The following EPHA6 variants were observed in gnomAD, a reference collection of about 807,000 sequenced individuals.
The protein encoded by EPHA6 is ephrin type-A receptor 6.
In EPHA6, 50 loss-of-function variants were observed where a neutral mutation model predicts 112.0. The observed-to-expected ratio is 0.45, with a 90% CI of 0.36 to 0.56. The LOEUF (loss-of-function observed/expected upper bound fraction) is 0.56, where lower values mean the gene tolerates loss of function less well. Ranked by LOEUF, EPHA6 falls within the 20% of genes least tolerant of loss-of-function variation. The pLI is 0.00. For synonymous variants in EPHA6, 529 were observed against 490.7 expected (o/e 1.08, Z -1.03); for missense variants, 1,280 against 1,417.4 (o/e 0.90, Z 1.56).
chr3:97,295,121 T>C (rs1241908487), intron 5 of EPHA6, among the ~76,000 whole-genome samples: 1 of 152,198 alleles, frequency 6.6e-6, no homozygotes, highest in African/African-American at 2.4e-5. Context: ...TTAAATATTT[T>C]GCTAGACCTC....
At chr3:96,965,634 G>T (rs1186506544) in intron 2 of EPHA6, among the ~76,000 whole-genome samples, 2 of 152,024 alleles carry the variant, frequency 1.3e-5, no homozygotes, top group African/African-American at 4.8e-5. Context: ...TATGTATGAT[G>T]TTGAGTAGAA....
intron 13 of EPHA6, among the ~76,000 whole-genome samples, chr3:97,617,594 C>A (rs1220137311): frequency 6.6e-6 from 1 of 152,036 alleles, no homozygotes; most frequent in African/African-American, 2.4e-5. Flanking sequence ...GAAAATTTAC[C>A]AAGCAAATGG....
intron 3 of EPHA6, among the ~76,000 whole-genome samples, chr3:97,066,659 G>A (rs1278023185): frequency 2.6e-5 from 4 of 152,146 alleles, no homozygotes; most frequent in African/African-American, 9.7e-5. Flanking sequence ...TTTGCAACAA[G>A]CAGCCTCACT....
chr3:96,888,252 G>A (rs1329690665), intron 2 of EPHA6, among the ~76,000 whole-genome samples: 4 of 152,116 alleles, frequency 2.6e-5, no homozygotes, highest in African/African-American at 9.7e-5. Flanking sequence ...GAGCTCACAG[G>A]GCCTTTCTAC....
At chr3:96,905,450 C>T (rs1238699627) in intron 2 of EPHA6, among the ~76,000 whole-genome samples, 2 of 151,652 alleles carry the variant, frequency 1.3e-5, no homozygotes, top group African/African-American at 4.8e-5. Context: ...CTGAATTCCT[C>T]TGATTATGAA....
intron 2 of EPHA6, among the ~76,000 whole-genome samples, chr3:96,950,590 A>G (rs1269132057): frequency 6.6e-6 from 1 of 152,174 alleles, no homozygotes; most frequent in African/African-American, 2.4e-5. Flanking sequence ...TTGAAGAGAA[A>G]TAAATCATCA....
At chr3:97,043,864 C>A (rs2045408296) in intron 3 of EPHA6, among the ~76,000 whole-genome samples, 1 of 152,118 alleles carries the variant, frequency 6.6e-6, no homozygotes, top group South Asian at 2.1e-4. Flanking sequence ...AGTGATTGAC[C>A]CCCAGGGCTG....
rs189446108 is a variant in EPHA6, at chr3:97,641,500, G to A, written c.2784+3418G>A. ...TCCCAGCGTGAGCGACGCAGAAGACGGGTGATTTCTGCATTTCCATCTGAG... is the reference window on the plus strand; with the variant it reads ...TCCCAGCGTGAGCGACGCAGAAGACAGGTGATTTCTGCATTTCCATCTGAG... On this transcript the variant is annotated intron_variant, in intron 14 of 17. Coordinates refer to ENST00000389672, the MANE Select transcript of EPHA6 (RefSeq NM_001080448.3). Among the ~76,000 whole-genome samples, 1,105 of 152,254 alleles carry A rather than the reference G, an allele frequency of 7.3e-3. 16 individuals carry two copies. Among genetic ancestry groups the A allele is most frequent in the African/African-American group, 0.024 (1,014 of 41,562 alleles).
At chr3:97,367,225 T>C (rs532536136) in intron 5 of EPHA6, among the ~76,000 whole-genome samples, 27 of 152,320 alleles carry the variant, frequency 1.8e-4, no homozygotes, top group South Asian at 1.7e-3. Flanking sequence ...ATTATATTAA[T>C]GTGTTAACGA....
At chr3:96,867,007 TC>T in intron 2 of EPHA6, 118 bp downstream of exon 2, 1 of 498,486 alleles carries the variant, frequency 2.0e-6, no homozygotes, top group South Asian at 4.4e-5. Flanking sequence ...ATAACTTACA[TC>T]CCATAGAAAA....
At chr3:97,652,665 G>C (rs2094115179) in intron 14 of EPHA6, among the ~76,000 whole-genome samples, 2 of 151,958 alleles carry the variant, frequency 1.3e-5, no homozygotes, top group South Asian at 4.1e-4. Context: ...AATGCTTGGA[G>C]CTGTGACAGC....
chr3:96,820,604 A>C (rs1231979574), intron 1 of EPHA6, among the ~76,000 whole-genome samples: 3 of 152,142 alleles, frequency 2.0e-5, no homozygotes, highest in Non-Finnish European at 4.4e-5. Context: ...GCAAGGGATA[A>C]GGAAGATGGA....
chr3:96,832,302 T>C (rs1341561887), intron 1 of EPHA6, among the ~76,000 whole-genome samples: 1 of 152,078 alleles, frequency 6.6e-6, no homozygotes, highest in Non-Finnish European at 1.5e-5. Flanking sequence ...TTAGGTGTAA[T>C]TTTACTACTA....
At chr3:96,975,233 G>A (rs1473435903) in intron 2 of EPHA6, among the ~76,000 whole-genome samples, 1 of 152,090 alleles carries the variant, frequency 6.6e-6, no homozygotes, top group African/African-American at 2.4e-5. Flanking sequence ...TCATAAGGAA[G>A]AGTTTGGGGC....
intron 7 of EPHA6, among the ~76,000 whole-genome samples, chr3:97,463,149 T>G (rs2009780): frequency 0.048 from 7,231 of 152,224 alleles, 577 homozygotes; most frequent in African/African-American, 0.16. Flanking sequence ...TGTGCACAAC[T>G]TGCAGGTTCG....
chr3:97,004,757 G>A (rs2043810470), intron 3 of EPHA6, among the ~76,000 whole-genome samples: 1 of 152,038 alleles, frequency 6.6e-6, no homozygotes, highest in Admixed American at 6.6e-5. Flanking sequence ...TTTCTTATAG[G>A]GTTTTTATGG....
chr3:97,273,445 C>A (rs1157548335), intron 5 of EPHA6, among the ~76,000 whole-genome samples: 2 of 152,078 alleles, frequency 1.3e-5, no homozygotes, highest in African/African-American at 2.4e-5. Context: ...GGGGCACAGT[C>A]CAAGTTGATC....
chr3:97,515,945 A>C (rs2092441506), intron 10 of EPHA6, among the ~76,000 whole-genome samples: 1 of 151,812 alleles, frequency 6.6e-6, no homozygotes, highest in African/African-American at 2.4e-5. Context: ...AGAAAGTTAA[A>C]AAAAAAAAAA....
chr3:97,601,319 A>G (rs189224820), intron 12 of EPHA6, among the ~76,000 whole-genome samples: 291 of 152,192 alleles, frequency 1.9e-3, no homozygotes, highest in African/African-American at 6.8e-3. Flanking sequence ...GCTGATTAGT[A>G]TTTTTTTGTA....
Sources: allele counts gnomAD v4.1 joint callset (sites outside exome capture counted in the v4.1 genomes callset), GRCh38; gene constraint gnomAD v4.1.1; transcripts MANE v1.5; gene names NCBI Gene and HGNC (gene_info 2026-07-23, HGNC 2026-07-21).